The following SLC35A1 variants were observed in gnomAD, a reference collection of about 807,000 sequenced individuals.
SLC35A1 encodes solute carrier family 35 member A1, also known as CMP-sialic acid transporter.
SLC35A1 carries 21 observed loss-of-function variants against 40.3 expected under a neutral mutation model. The observed-to-expected ratio is 0.52, with a 90% CI of 0.37 to 0.75. SLC35A1 has a LOEUF of 0.75. Among genes scored for constraint, SLC35A1 ranks in the 30% least tolerant of loss-of-function variants. SLC35A1 has a pLI of 0.00. For missense variants in SLC35A1, 297 were observed against 382.1 expected (o/e 0.78, Z 1.86); for synonymous variants, 146 against 147.3 (o/e 0.99, Z 0.06).
At chr6:87,484,352 C>T (rs1396005198) in intron 2 of SLC35A1, among the ~76,000 whole-genome samples, 1 of 152,150 alleles carries the variant, frequency 6.6e-6, no homozygotes, top group Non-Finnish European at 1.5e-5. Context: ...AAATAGCACT[C>T]GAATATAAAA....
In SLC35A1 at chr6:87,511,790, A is replaced by AAGT; in HGVS notation, c.*266_*268dup. On this transcript the variant is annotated 3_prime_UTR_variant, in exon 8 of 8. Coordinates refer to ENST00000369552, the MANE Select transcript of SLC35A1 (RefSeq NM_006416.5). The stretch of plus-strand genomic sequence containing the variant: ...TGTGTATATATAATTTGTAAATAAA[A>AAGT]AGTATGGAGATGATACGGTGTTAAA... 1 of 440,494 alleles carries AAGT rather than the reference A, an allele frequency of 2.3e-6. No individual in the cohort carries two copies. The highest frequency in any genetic ancestry group is 4.7e-5 in the East Asian group (1 of 21,278). 27.3% of individuals were successfully genotyped at this position (440,494 alleles called of 1,614,324 possible). A position where few individuals can be genotyped will look rare whatever the true frequency, so the allele number is the denominator to read the frequency against.
chr6:87,494,961 A>G (rs9450717), intron 2 of SLC35A1, among the ~76,000 whole-genome samples: 59,934 of 151,964 alleles, frequency 0.39, 11,976 homozygotes, highest in Admixed American at 0.47. Flanking sequence ...CCTTGGAACA[A>G]AGGAACAAAG....
At chr6:87,508,674 T>A (rs113233290) in intron 6 of SLC35A1, 78 bp downstream of exon 6, 24 of 1,149,764 alleles carry the variant, frequency 2.1e-5, no homozygotes, top group Non-Finnish European at 2.7e-5. Context: ...TAAGCTGTTA[T>A]AACATTTTGA....
chr6:87,508,585 G>C lies in SLC35A1; in HGVS notation c.740G>C (p.Trp247Ser). Residue 247 changes from tryptophan (W) to serine (S), a missense_variant, in exon 6 of 8, where the codon TGG (tryptophan) becomes TCG (serine). Coordinates refer to ENST00000369552, the MANE Select transcript of SLC35A1 (RefSeq NM_006416.5). Reference protein sequence around the residue: ...GFFYGYTYYVWFVIFLASVGG... With the variant: ...GFFYGYTYYVSFVIFLASVGG... Reference sequence around the variant, plus strand: ...TTCTATGGTTACACATATTATGTCTGGTTTGTCATCTGTAAGTATCCAGGA... The same window carrying C: ...TTCTATGGTTACACATATTATGTCTCGTTTGTCATCTGTAAGTATCCAGGA... The C allele has an allele frequency of 6.2e-7, 1 of 1,611,740 alleles. No individual in the cohort carries two copies. Among genetic ancestry groups the C allele is most frequent in the Non-Finnish European group, 8.5e-7 (1 of 1,179,186 alleles).
intron 5 of SLC35A1, 99 bp from the exon 6 acceptor site, chr6:87,508,321 C>T: frequency 1.2e-6 from 1 of 806,632 alleles, no homozygotes; most frequent in East Asian, 2.7e-5. Flanking sequence ...TTCCCCAAAT[C>T]ATATACTTTA....
chr6:87,500,718 G>A (rs781092263), intron 3 of SLC35A1, 51 bp downstream of exon 3: 17 of 1,554,196 alleles, frequency 1.1e-5, no homozygotes, highest in Non-Finnish European at 1.5e-5. Flanking sequence ...ATGGTAAAAA[G>A]AGTTTTTATT....
intron 2 of SLC35A1, among the ~76,000 whole-genome samples, chr6:87,490,870 C>T (rs1769531589): frequency 1.3e-5 from 2 of 152,102 alleles, no homozygotes; most frequent in African/African-American, 2.4e-5. Context: ...TGTAGAATAC[C>T]AACTAGTAAT....
chr6:87,505,956 G>T (rs974858151), intron 4 of SLC35A1, among the ~76,000 whole-genome samples: 31 of 152,198 alleles, frequency 2.0e-4, no homozygotes, highest in African/African-American at 7.0e-4. Flanking sequence ...AGTCTTAAGA[G>T]GCAGCACTGT....
In SLC35A1 at chr6:87,494,422, ATT is replaced by A. The variant is rs61583010; in HGVS notation, c.195-6069_195-6068del. 7.3e-3 allele frequency among the ~76,000 whole-genome samples: 974 copies of A among 132,806 alleles called. 9 individuals carry two copies. Among genetic ancestry groups the A allele is most frequent in the African/African-American group, 0.021 (736 of 34,856 alleles). The allele number at this position is 132,806 out of a possible 152,430, so 87.1% of individuals were successfully genotyped here. On this transcript the variant is annotated intron_variant, in intron 2 of 7. Coordinates refer to ENST00000369552, the MANE Select transcript of SLC35A1 (RefSeq NM_006416.5). ...AAGGTGATTTTTTTTAAATATTTGA[ATT>A]TTTTTTTTTTTTTTTTGAGACAGAG...
chr6:87,473,942 C>A (rs1040284054), intron 1 of SLC35A1, among the ~76,000 whole-genome samples: 1 of 152,226 alleles, frequency 6.6e-6, no homozygotes, highest in East Asian at 1.9e-4. Flanking sequence ...TTCCCTGTTG[C>A]GGGGTCCATG....
intron 5 of SLC35A1, chr6:87,507,172 A>G (rs1770112207): frequency 1.3e-5 from 2 of 152,332 alleles, no homozygotes; most frequent in Middle Eastern, 3.4e-3. Context: ...AGTTATAGCT[A>G]TACATCTTTA....
intron 2 of SLC35A1, among the ~76,000 whole-genome samples, chr6:87,490,471 C>A (rs1213332449): frequency 6.6e-6 from 1 of 151,294 alleles, no homozygotes; most frequent in Non-Finnish European, 1.5e-5. Context: ...GCAACTGGGA[C>A]AACAGGTACA....
At chr6:87,496,793 A>C (rs948690457) in intron 2 of SLC35A1, among the ~76,000 whole-genome samples, 3 of 150,272 alleles carry the variant, frequency 2.0e-5, no homozygotes, top group Non-Finnish European at 4.4e-5. Flanking sequence ...AAAAAAAAAA[A>C]AGAAAAACCC....
intron 2 of SLC35A1, among the ~76,000 whole-genome samples, chr6:87,479,268 C>G (rs1235913579): frequency 6.6e-6 from 1 of 152,108 alleles, no homozygotes; most frequent in Non-Finnish European, 1.5e-5. Context: ...GCTCAATTTT[C>G]CGAAAGAAGA....
chr6:87,493,554 T>C (rs553636945), intron 2 of SLC35A1, among the ~76,000 whole-genome samples: 1 of 152,324 alleles, frequency 6.6e-6, no homozygotes, highest in East Asian at 1.9e-4. Context: ...TCTAAACTTC[T>C]CCTTACCCAT....
chr6:87,497,784 A>G (rs1318069270), intron 2 of SLC35A1, among the ~76,000 whole-genome samples: 1 of 152,050 alleles, frequency 6.6e-6, no homozygotes, highest in Non-Finnish European at 1.5e-5. Flanking sequence ...GCTGGAGTGC[A>G]GTGGTGGCAT....
intron 2 of SLC35A1, chr6:87,488,611 T>G (rs1582176271): frequency 6.6e-6 from 1 of 152,336 alleles, no homozygotes; most frequent in East Asian, 1.9e-4. Flanking sequence ...AAGAGTTAAA[T>G]TAAGCAGGCC....
chr6:87,508,636 AT>A lies in SLC35A1; in HGVS notation c.751+50del, dbSNP rs570166119. The A allele has an allele frequency of 4.2e-3, 5,952 of 1,421,764 alleles. 21 individuals carry two copies. The highest frequency in any genetic ancestry group is 0.023 in the African/African-American group (1,590 of 69,924). 88.1% of individuals were successfully genotyped at this position (1,421,764 alleles called of 1,614,324 possible). ...ATTAAAGGTTCTTAGTAGATCCTTT[AT>A]TTTTTTTTTAAGTTAGATGTCCATT... On this transcript the variant is annotated intron_variant, in intron 6 of 7. Transcript: ENST00000369552.
In SLC35A1 at chr6:87,500,583, G is replaced by T; in HGVS notation, c.270G>T (p.Lys90Asn). Reference sequence around the variant, plus strand: ...TGGGGAGCCCCAAGGAACTGTTGAAGTTAAGTGTGCCATCGTTAGTGTATG... The same window carrying T: ...TGGGGAGCCCCAAGGAACTGTTGAATTTAAGTGTGCCATCGTTAGTGTATG... ...NVLGSPKELL[K>N]LSVPSLVYAV... Residue 90 changes from lysine (K) to asparagine (N), a missense_variant, in exon 3 of 8, where the codon AAG (lysine) becomes AAT (asparagine). Coordinates refer to ENST00000369552, the MANE Select transcript of SLC35A1 (RefSeq NM_006416.5). The T allele has an allele frequency of 6.2e-7, 1 of 1,614,076 alleles. No homozygotes were observed. The highest frequency in any genetic ancestry group is 8.5e-7 in the Non-Finnish European group (1 of 1,179,974).
Sources: gnomAD v4.1 joint callset for allele counts (sites outside exome capture counted in the v4.1 genomes callset) on GRCh38, gnomAD v4.1.1 for gene constraint, MANE v1.5 for transcripts, NCBI Gene and HGNC (gene_info 2026-07-23, HGNC 2026-07-21) for gene names.